NXPE2: variants seen among roughly 807,000 people sequenced by gnomAD.
The protein encoded by NXPE2 is neurexophilin and PC-esterase domain family member 2, also known as NXPE family member 2.
In NXPE2, 34 loss-of-function variants were observed where a neutral mutation model predicts 34.4. The observed-to-expected ratio is 0.99, with a 90% confidence interval of 0.75 to 1.31. The LOEUF (loss-of-function observed/expected upper bound fraction) is 1.31, where lower values mean the gene tolerates loss of function less well. NXPE2 is among the 40% of genes most tolerant of loss of function. NXPE2 has a pLI of 0.00. For missense variants in NXPE2, 649 were observed against 672.5 expected (o/e 0.97, Z 0.39); for synonymous variants, 235 against 231.3 (o/e 1.02, Z -0.15).
chr11:114,536,701 T>C, the NXPE2 span, among the ~76,000 whole-genome samples: 368 of 152,222 alleles, frequency 2.4e-3, 4 homozygotes, highest in Middle Eastern at 0.01. Flanking sequence ...ATAAATTCCT[T>C]GACACATACA....
chr11:114,719,236 C>G, the NXPE2 span, among the ~76,000 whole-genome samples: 1 of 152,210 alleles, frequency 6.6e-6, no homozygotes, highest in Non-Finnish European at 1.5e-5. Flanking sequence ...ACTACTTCCT[C>G]CTTCCTTTTA....
chr11:114,502,229 C>G, the NXPE2 span, among the ~76,000 whole-genome samples: 16 of 151,860 alleles, frequency 1.1e-4, no homozygotes, highest in Admixed American at 3.3e-4. Context: ...TCTCTTTATG[C>G]TGCCTGGGAC....
the NXPE2 span, among the ~76,000 whole-genome samples, chr11:114,787,182 A>C: frequency 0.017 from 1,894 of 113,328 alleles, 31 homozygotes; most frequent in African/African-American, 0.051. Flanking sequence ...CACACACACA[A>C]AAAAAAAGTG....
the NXPE2 span, among the ~76,000 whole-genome samples, chr11:114,747,066 C>T: frequency 6.6e-6 from 1 of 152,124 alleles, no homozygotes; most frequent in Non-Finnish European, 1.5e-5. Context: ...TAGACCTCTT[C>T]TTTGATCTCT....
the NXPE2 span, among the ~76,000 whole-genome samples, chr11:114,630,863 G>A: frequency 2.0e-5 from 3 of 151,764 alleles, no homozygotes; most frequent in Non-Finnish European, 4.4e-5. Flanking sequence ...AGTGGGCAAA[G>A]GACATGAACA....
chr11:114,684,473 C>CA (rs1951007665), intron 2 of NXPE2, among the ~76,000 whole-genome samples: 1 of 151,958 alleles, frequency 6.6e-6, no homozygotes, highest in Admixed American at 6.6e-5. Context: ...CATCGGAATA[C>CA]AAATGGCAGC....
chr11:114,775,141 C>T, the NXPE2 span, among the ~76,000 whole-genome samples: 19 of 152,152 alleles, frequency 1.2e-4, no homozygotes, highest in Admixed American at 1.0e-3. Context: ...AAATAGGGGA[C>T]GCTGGGTGCA....
the NXPE2 span, among the ~76,000 whole-genome samples, chr11:114,599,811 G>A: frequency 3.9e-5 from 6 of 152,190 alleles, no homozygotes; most frequent in South Asian, 4.1e-4. Context: ...CTCTGCCCCC[G>A]TGATCCAATT....
chr11:114,717,261 T>C, the NXPE2 span, among the ~76,000 whole-genome samples: 1 of 152,170 alleles, frequency 6.6e-6, no homozygotes, highest in Non-Finnish European at 1.5e-5. Flanking sequence ...GGTGTGCAGA[T>C]GAACAGTGGT....
At chr11:114,633,202 A>G in the NXPE2 span, among the ~76,000 whole-genome samples, 1 of 128,576 alleles carries the variant, frequency 7.8e-6, no homozygotes, top group African/African-American at 3.0e-5. Context: ...TTATGTATAA[A>G]CATGTATATT....
the NXPE2 span, among the ~76,000 whole-genome samples, chr11:114,802,709 A>G: frequency 6.6e-6 from 1 of 152,268 alleles, no homozygotes; most frequent in East Asian, 1.9e-4. Flanking sequence ...TCCTAATTGT[A>G]AACTTGATGT....
the NXPE2 span, among the ~76,000 whole-genome samples, chr11:114,671,295 C>T: frequency 1.1e-4 from 17 of 149,736 alleles, no homozygotes; most frequent in Admixed American, 3.4e-4. Context: ...TAGAGAAATA[C>T]GGTACAAATT....
At chr11:114,663,678 T>TATCTATCTATCTATC in the NXPE2 span, among the ~76,000 whole-genome samples, 1 of 145,940 alleles carries the variant, frequency 6.9e-6, no homozygotes, top group South Asian at 2.2e-4. Context: ...ATCTATCTAT[T>TATCTATCTATCTATC]TATCTATCTA....
chr11:114,479,975 C>T, the NXPE2 span, among the ~76,000 whole-genome samples: 1 of 152,020 alleles, frequency 6.6e-6, no homozygotes, highest in African/African-American at 2.4e-5. Context: ...GCAAGAGAGA[C>T]ATCAGGCTTT....
the NXPE2 span, among the ~76,000 whole-genome samples, chr11:114,506,120 A>G: frequency 6.6e-6 from 1 of 151,860 alleles, no homozygotes; most frequent in Non-Finnish European, 1.5e-5. Context: ...ATTAAAAAAA[A>G]AAAAAAAAAA....
chr11:114,682,452 T>G (rs569495724), intron 2 of NXPE2, among the ~76,000 whole-genome samples: 1 of 152,186 alleles, frequency 6.6e-6, no homozygotes, highest in Non-Finnish European at 1.5e-5. Context: ...GGAATGCAGT[T>G]AATTTTGATT....
chr11:114,615,836 G>A, the NXPE2 span, among the ~76,000 whole-genome samples: 2 of 151,574 alleles, frequency 1.3e-5, no homozygotes, highest in Admixed American at 1.3e-4. Flanking sequence ...GTTACCCTGT[G>A]GATAATAAGA....
At chr11:114,557,634 CATATAT>C in the NXPE2 span, among the ~76,000 whole-genome samples, 17,313 of 127,482 alleles carry the variant, frequency 0.14, 1,407 homozygotes, top group Non-Finnish European at 0.19. Context: ...ATATATAATA[CATATAT>C]ATATATATAT....
chr11:114,698,623 A>G lies in NXPE2; in HGVS notation c.711A>G (p.Thr237=). Residue 237 remains threonine, a synonymous_variant, in exon 3 of 6, where the codon ACA becomes ACG. Coordinates refer to ENST00000389586, the MANE Select transcript of NXPE2 (RefSeq NM_182495.6). ...CTGAATGTGGCCTGACCCTAAACAC[A>G]AATGCTGAACTGTGCCAGTACATGG... ...VFTECGLTLN[T]NAELCQYMDD... 1.2e-6 allele frequency: 2 copies of G among 1,614,196 alleles called. No homozygotes were observed. The highest frequency in any genetic ancestry group is 2.2e-5 in the East Asian group (1 of 44,882).
Sources: gnomAD v4.1 joint callset for allele counts (sites outside exome capture counted in the v4.1 genomes callset) on GRCh38, gnomAD v4.1.1 for gene constraint, MANE v1.5 for transcripts, NCBI Gene and HGNC (gene_info 2026-07-23, HGNC 2026-07-21) for gene names.